The following BBS9 variants were observed in gnomAD, a reference collection of about 807,000 sequenced individuals.
BBS9 encodes protein PTHB1.
Under a neutral mutation model 117.7 loss-of-function variants are expected in BBS9, and 89 were observed. That is an observed-to-expected ratio of 0.76 (90% confidence interval 0.64 to 0.90). The LOEUF (loss-of-function observed/expected upper bound fraction) is 0.90, where lower values mean the gene tolerates loss of function less well. Ranked by LOEUF, BBS9 falls within the 40% of genes least tolerant of loss-of-function variation. The pLI, the probability that BBS9 is intolerant of heterozygous loss-of-function variation, is 0.00. For synonymous variants in BBS9, 379 were observed against 370.9 expected (o/e 1.02, Z -0.25); for missense variants, 982 against 1,042.2 (o/e 0.94, Z 0.80).
chr7:33,341,738 C>T (rs994522593), intron 11 of BBS9, among the ~76,000 whole-genome samples: 1 of 151,992 alleles, frequency 6.6e-6, no homozygotes, highest in Non-Finnish European at 1.5e-5. Context: ...ATAATGGGTG[C>T]TCAATATATA....
At chr7:33,424,464 T>G (rs974415552) in intron 19 of BBS9, among the ~76,000 whole-genome samples, 1 of 152,306 alleles carries the variant, frequency 6.6e-6, no homozygotes, top group Middle Eastern at 3.4e-3. Flanking sequence ...AGAGATGTTT[T>G]TTTTAAAAGG....
At chr7:33,612,329 C>T (rs1864923638) in intron 21 of BBS9, among the ~76,000 whole-genome samples, 1 of 152,034 alleles carries the variant, frequency 6.6e-6, no homozygotes. Flanking sequence ...ACTTTAATCA[C>T]ATGAGGATGG....
intron 15 of BBS9, among the ~76,000 whole-genome samples, chr7:33,354,741 A>G (rs1819322015): frequency 6.6e-6 from 1 of 151,870 alleles, no homozygotes; most frequent in South Asian, 2.1e-4. Flanking sequence ...GGGGTGTGCC[A>G]GATGTAATTA....
chr7:33,277,031 C>G (rs115948827), intron 9 of BBS9: 359 of 241,930 alleles, frequency 1.5e-3, no homozygotes, highest in African/African-American at 8.1e-3. Context: ...TGCAGCCCAC[C>G]TGTGAAGATC....
chr7:33,331,898 A>T (rs766402840), intron 9 of BBS9, among the ~76,000 whole-genome samples: 2 of 152,208 alleles, frequency 1.3e-5, no homozygotes, highest in Non-Finnish European at 2.9e-5. Flanking sequence ...TATAGATTCA[A>T]TGCAATTCCC....
intron 19 of BBS9, among the ~76,000 whole-genome samples, chr7:33,478,450 A>T (rs1842084248): frequency 1.3e-5 from 2 of 152,190 alleles, no homozygotes; most frequent in Non-Finnish European, 2.9e-5. Flanking sequence ...TGGCCATGGT[A>T]ATTCTTACAT....
At chr7:33,388,548 A>G (rs1182399208) in intron 19 of BBS9, among the ~76,000 whole-genome samples, 1 of 152,202 alleles carries the variant, frequency 6.6e-6, no homozygotes, top group Non-Finnish European at 1.5e-5. Context: ...TTACCAAGCA[A>G]CTGGCTCATA....
intron 19 of BBS9, among the ~76,000 whole-genome samples, chr7:33,440,115 T>C (rs1026013791): frequency 6.6e-6 from 1 of 152,206 alleles, no homozygotes; most frequent in Non-Finnish European, 1.5e-5. Flanking sequence ...AAGACACTTA[T>C]GAAAACTCTT....
At chr7:33,321,747 G>A (rs1352808907) in intron 9 of BBS9, among the ~76,000 whole-genome samples, 3 of 151,922 alleles carry the variant, frequency 2.0e-5, no homozygotes, top group African/African-American at 4.8e-5. Context: ...AGGACTTTTA[G>A]TACTATGGTG....
chr7:33,630,512 A>G (rs931493495), intron 21 of BBS9, among the ~76,000 whole-genome samples: 1 of 152,140 alleles, frequency 6.6e-6, no homozygotes, highest in African/African-American at 2.4e-5. Context: ...TGCGTCCGTT[A>G]AGGATCAAAC....
intron 5 of BBS9, among the ~76,000 whole-genome samples, chr7:33,230,546 G>A (rs1792163599): frequency 2.0e-5 from 3 of 152,144 alleles, no homozygotes; most frequent in Non-Finnish European, 4.4e-5. Flanking sequence ...GCACCCAACA[G>A]GTAGTTTTTC....
At chr7:33,546,076 G>A (rs1026566141) in intron 21 of BBS9, among the ~76,000 whole-genome samples, 2 of 151,488 alleles carry the variant, frequency 1.3e-5, no homozygotes, top group Non-Finnish European at 2.9e-5. Flanking sequence ...TGGGACTACA[G>A]GCGCCTGCCA....
intron 5 of BBS9, among the ~76,000 whole-genome samples, chr7:33,186,909 T>A (rs74995454): frequency 1.3e-5 from 2 of 152,212 alleles, no homozygotes; most frequent in Admixed American, 6.5e-5. Flanking sequence ...TTTGGACATA[T>A]ACTAAATCAA....
intron 9 of BBS9, among the ~76,000 whole-genome samples, chr7:33,308,855 G>A (rs1336971934): frequency 6.6e-6 from 1 of 152,162 alleles, no homozygotes; most frequent in Non-Finnish European, 1.5e-5. Context: ...CCTCTTAGGA[G>A]CCACCAACTA....
chr7:33,505,971 CT>C (rs1367112032), intron 20 of BBS9, among the ~76,000 whole-genome samples: 3 of 152,188 alleles, frequency 2.0e-5, no homozygotes, highest in African/African-American at 7.2e-5. Context: ...TAATCCTTTC[CT>C]TTTCCGCCAG....
intron 4 of BBS9, among the ~76,000 whole-genome samples, chr7:33,167,683 G>A (rs1218735250): frequency 1.3e-5 from 2 of 152,102 alleles, no homozygotes; most frequent in Non-Finnish European, 2.9e-5. Flanking sequence ...ACAAGCATGA[G>A]CCACCACGAT....
intron 19 of BBS9, among the ~76,000 whole-genome samples, chr7:33,444,331 A>C (rs1836662073): frequency 6.6e-6 from 1 of 152,220 alleles, no homozygotes; most frequent in South Asian, 2.1e-4. Flanking sequence ...AAATGAAAAA[A>C]GTTATTTGGA....
chr7:33,493,075 G>C (rs993496291), intron 19 of BBS9, among the ~76,000 whole-genome samples: 7 of 151,952 alleles, frequency 4.6e-5, no homozygotes, highest in African/African-American at 1.7e-4. Flanking sequence ...GCTCACTGCA[G>C]CCTCCACCTC....
intron 19 of BBS9, among the ~76,000 whole-genome samples, chr7:33,475,933 A>G (rs1276440218): frequency 6.6e-6 from 1 of 152,184 alleles, no homozygotes; most frequent in African/African-American, 2.4e-5. Context: ...ATTTTCTGAG[A>G]CTAGAATCTA....
Sources: gnomAD v4.1 joint callset for allele counts (sites outside exome capture counted in the v4.1 genomes callset) on GRCh38, gnomAD v4.1.1 for gene constraint, MANE v1.5 for transcripts, NCBI Gene and HGNC (gene_info 2026-07-23, HGNC 2026-07-21) for gene names.